The following EXPH5 variants were observed in gnomAD, a reference collection of about 807,000 sequenced individuals.
EXPH5 encodes the protein exophilin 5, also known as exophilin-5.
EXPH5 carries 42 observed loss-of-function variants against 41.1 expected under a neutral mutation model. The observed-to-expected ratio is 1.02, with a 90% CI of 0.80 to 1.32. The LOEUF (loss-of-function observed/expected upper bound fraction) is 1.32. Ranked by LOEUF, EXPH5 falls within the 40% of genes most tolerant of loss-of-function variation. EXPH5 has a pLI of 0.00. For synonymous variants in EXPH5, 798 were observed against 833.5 expected (o/e 0.96, Z 0.73); for missense variants, 2,298 against 2,314.5 (o/e 0.99, Z 0.15).
At chr11:108,518,989 C>A (rs1201211481) in intron 4 of EXPH5, among the ~76,000 whole-genome samples, 1 of 152,146 alleles carries the variant, frequency 6.6e-6, no homozygotes, top group African/African-American at 2.4e-5. Context: ...GAATAACCCA[C>A]CCCTTGTTTA....
chr11:108,556,705 C>T (rs1047741823), intron 1 of EXPH5, among the ~76,000 whole-genome samples: 2 of 152,170 alleles, frequency 1.3e-5, no homozygotes, highest in Non-Finnish European at 2.9e-5. Context: ...GAACTCCTGG[C>T]CTCAAGTGAT....
intron 1 of EXPH5, among the ~76,000 whole-genome samples, chr11:108,577,437 T>C (rs1410414373): frequency 1.3e-5 from 2 of 152,098 alleles, no homozygotes; most frequent in African/African-American, 4.8e-5. Context: ...TTGTTTTTTT[T>C]GGTGAGACGG....
intron 1 of EXPH5, chr11:108,568,175 T>TTGGTGGG (rs71875609): frequency 1.9e-5 from 2 of 102,844 alleles, no homozygotes; most frequent in East Asian, 2.7e-4. Context: ...TTACTTTTTT[T>TTGGTGGG]GGGAGGGGGG....
intron 3 of EXPH5, among the ~76,000 whole-genome samples, chr11:108,535,514 A>G (rs940278046): frequency 4.6e-5 from 7 of 152,156 alleles, no homozygotes; most frequent in Admixed American, 3.9e-4. Context: ...TAGGCACTCA[A>G]CTAGCAACGA....
At chr11:108,578,833 A>AT (rs532955084) in intron 1 of EXPH5, among the ~76,000 whole-genome samples, 42 of 152,286 alleles carry the variant, frequency 2.8e-4, no homozygotes, top group African/African-American at 8.9e-4. Context: ...TATAGAAATG[A>AT]TTTTTGTATG....
chr11:108,517,207 C>G (rs1202052386), intron 5 of EXPH5, among the ~76,000 whole-genome samples: 1 of 152,216 alleles, frequency 6.6e-6, no homozygotes, highest in East Asian at 1.9e-4. Context: ...CTCCTGACAT[C>G]AGAAAAATTC....
At chr11:108,575,976 A>G (rs2094078430) in intron 1 of EXPH5, among the ~76,000 whole-genome samples, 1 of 152,200 alleles carries the variant, frequency 6.6e-6, no homozygotes, top group African/African-American at 2.4e-5. Context: ...TAAATTAATT[A>G]ATTAAATAAA....
chr11:108,573,145 AAAG>A (rs2094067002), intron 1 of EXPH5, among the ~76,000 whole-genome samples: 1 of 114,992 alleles, frequency 8.7e-6, no homozygotes, highest in Admixed American at 8.6e-5. Flanking sequence ...AGAAGGAAAG[AAAG>A]AAAGAAAGAA....
In EXPH5 at chr11:108,507,136, T is replaced by C. The variant is rs535796531; in HGVS notation, c.*2401A>G. 1 of 152,370 alleles carries C rather than the reference T, an allele frequency of 6.6e-6. No individual in the cohort carries two copies. The highest frequency in any genetic ancestry group is 2.4e-5 in the African/African-American group (1 of 41,586). The allele number at this position is 152,370 out of a possible 1,614,324, so 9.4% of individuals were successfully genotyped here. A position where few individuals can be genotyped will look rare whatever the true frequency, so the allele number is the denominator to read the frequency against. On this transcript the variant is annotated 3_prime_UTR_variant, in exon 6 of 6. Coordinates refer to ENST00000265843, the MANE Select transcript of EXPH5 (RefSeq NM_015065.3). ...TTGAAAAGTTCACAATATTTGATTT[T>C]TGAGCTTTCTGAGCTCAGGATTGGT...
chr11:108,603,734 C>T, the EXPH5 span, among the ~76,000 whole-genome samples: 2 of 152,216 alleles, frequency 1.3e-5, no homozygotes, highest in South Asian at 4.1e-4. Flanking sequence ...AAGATACAAC[C>T]ACTCTGTTCT....
At chr11:108,602,976 C>T in the EXPH5 span, among the ~76,000 whole-genome samples, 2 of 152,178 alleles carry the variant, frequency 1.3e-5, no homozygotes, top group Non-Finnish European at 2.9e-5. Flanking sequence ...GAGCGATTCC[C>T]TCCATTCTGT....
intron 4 of EXPH5, among the ~76,000 whole-genome samples, chr11:108,521,895 C>T (rs2093767319): frequency 6.6e-6 from 1 of 152,108 alleles, no homozygotes; most frequent in African/African-American, 2.4e-5. Flanking sequence ...CTTGTGGCCC[C>T]CAGGATCACA....
At chr11:108,548,222 T>G (rs2136049730) in intron 1 of EXPH5, among the ~76,000 whole-genome samples, 1 of 91,726 alleles carries the variant, frequency 1.1e-5, no homozygotes, top group South Asian at 4.3e-4. Context: ...AATAAGAAAG[T>G]TTTTGACTTT....
At chr11:108,525,884 T>C (rs756902295) in intron 4 of EXPH5, among the ~76,000 whole-genome samples, 14 of 151,530 alleles carry the variant, frequency 9.2e-5, no homozygotes, top group Non-Finnish European at 2.1e-4. Context: ...TTTTTCTTTC[T>C]CTCTCTCCTT....
chr11:108,587,450 G>GGTA (rs1433640981), intron 1 of EXPH5, among the ~76,000 whole-genome samples: 1 of 152,158 alleles, frequency 6.6e-6, no homozygotes, highest in Admixed American at 6.5e-5. Context: ...CATTTGACTA[G>GGTA]GTATTGAGTA....
intron 1 of EXPH5, among the ~76,000 whole-genome samples, chr11:108,573,139 G>GGAAGGAAAGAAAGAAA (rs1555198960): frequency 1.1e-5 from 1 of 90,508 alleles, no homozygotes; most frequent in African/African-American, 4.4e-5. Flanking sequence ...AAGGAAAGAA[G>GGAAGGAAAGAAAGAAA]GAAAGAAAGA....
chr11:108,509,503 G>T lies in EXPH5; in HGVS notation c.*34C>A, dbSNP rs767606618. 2.0e-6 allele frequency: 3 copies of T among 1,519,444 alleles called. No individual in the cohort carries two copies. Among genetic ancestry groups the T allele is most frequent in the Non-Finnish European group, 2.6e-6 (3 of 1,136,566 alleles). The allele number at this position is 1,519,444 out of a possible 1,614,324, so 94.1% of individuals were successfully genotyped here. ...CACCTTAGTTCCATTATAAGCTTTT[G>T]GTGAAAAAAGTAAAGCATTTTATTG... On this transcript the variant is annotated 3_prime_UTR_variant, in exon 6 of 6. Transcript: ENST00000265843.
At chr11:108,530,999 A>G (rs1011696894) in intron 3 of EXPH5, among the ~76,000 whole-genome samples, 8 of 152,176 alleles carry the variant, frequency 5.3e-5, no homozygotes, top group Admixed American at 3.9e-4. Flanking sequence ...AATAAAAGCA[A>G]CAGTGGTATC....
chr11:108,524,687 G>A (rs2093786838), intron 4 of EXPH5, among the ~76,000 whole-genome samples: 1 of 152,190 alleles, frequency 6.6e-6, no homozygotes, highest in African/African-American at 2.4e-5. Context: ...TAGAACAGCT[G>A]TCAGAGCTGA....
Sources: gnomAD v4.1 joint callset for allele counts (sites outside exome capture counted in the v4.1 genomes callset) on GRCh38, gnomAD v4.1.1 for gene constraint, MANE v1.5 for transcripts, NCBI Gene and HGNC (gene_info 2026-07-23, HGNC 2026-07-21) for gene names.